DIO2: variants seen among roughly 807,000 people sequenced by gnomAD.
DIO2 encodes iodothyronine deiodinase 2.
In DIO2, 19 loss-of-function variants were observed where a neutral mutation model predicts 21.4. The observed-to-expected ratio is 0.89, with a 90% CI of 0.62 to 1.30. The LOEUF (loss-of-function observed/expected upper bound fraction) is 1.30. Ranked by LOEUF, DIO2 falls within the 50% of genes most tolerant of loss-of-function variation. The pLI is 0.00. For synonymous variants in DIO2, 122 were observed against 132.9 expected (o/e 0.92, Z 0.57); for missense variants, 302 against 338.1 (o/e 0.89, Z 0.84).
chr14:80,228,235 G>T (rs186334207), intron 2 of DIO2, among the ~76,000 whole-genome samples: 73 of 152,316 alleles, frequency 4.8e-4, no homozygotes, highest in Non-Finnish European at 8.2e-4. Context: ...GTATATTGCT[G>T]GTCTTGCCAG....
chr14:80,206,223 A>C, intron 1 of DIO2: 1 of 1,486,800 alleles, frequency 6.7e-7, no homozygotes, highest in Non-Finnish European at 9.1e-7. Context: ...GGAAAAACAC[A>C]CACCCACCAT....
intron 2 of DIO2, among the ~76,000 whole-genome samples, chr14:80,226,685 T>C (rs1760671192): frequency 6.6e-6 from 1 of 152,108 alleles, no homozygotes; most frequent in South Asian, 2.1e-4. Flanking sequence ...TGTTGCTGAG[T>C]TTATGCATAA....
intron 2 of DIO2, among the ~76,000 whole-genome samples, chr14:80,230,728 G>C (rs966478687): frequency 1.3e-5 from 2 of 152,030 alleles, no homozygotes; most frequent in East Asian, 3.9e-4. Context: ...AGCATTTTTG[G>C]TTATAATCAT....
rs1168117321 is a variant in DIO2, at chr14:80,201,163, TA to T, written c.*1525del. ...AAAAGAAAAAAATATTTTATATATATATTTTTTAAAATAGCATTATAATCAT... is the reference window on the plus strand; with the variant it reads ...AAAAGAAAAAAATATTTTATATATATTTTTTTAAAATAGCATTATAATCAT... On this transcript the variant is annotated 3_prime_UTR_variant, in exon 2 of 2. Coordinates refer to ENST00000438257, the MANE Select transcript of DIO2 (RefSeq NM_013989.5). 6.6e-5 allele frequency: 10 copies of T among 150,982 alleles called. No homozygotes were observed. The highest frequency in any genetic ancestry group is 1.0e-4 in the Non-Finnish European group (7 of 67,760). The allele number at this position is 150,982 out of a possible 1,614,324, so 9.4% of individuals were successfully genotyped here. A position where few individuals can be genotyped will look rare whatever the true frequency, so the allele number is the denominator to read the frequency against.
chr14:80,201,927 C>T lies in DIO2; in HGVS notation c.*762G>A, dbSNP rs576990587. ...CCGTGGCTAACAAATGTGACCCACTCTCTACAGCTTAAGGGTGAAACTCTG... is the reference window on the plus strand; with the variant it reads ...CCGTGGCTAACAAATGTGACCCACTTTCTACAGCTTAAGGGTGAAACTCTG... On this transcript the variant is annotated 3_prime_UTR_variant, in exon 2 of 2. Transcript: ENST00000438257. The T allele has an allele frequency of 2.4e-5, 4 of 163,790 alleles. No homozygotes were observed. Among genetic ancestry groups the T allele is most frequent in the South Asian group, 1.7e-4 (1 of 5,920 alleles). 10.1% of individuals were successfully genotyped at this position (163,790 alleles called of 1,614,324 possible).
chr14:80,219,757 T>C (rs1167774528), intron 2 of DIO2, among the ~76,000 whole-genome samples: 6 of 152,154 alleles, frequency 3.9e-5, no homozygotes, highest in African/African-American at 1.2e-4. Flanking sequence ...CAAATCTGTG[T>C]GAAGCCAGAG....
At chr14:80,206,201 T>C in intron 1 of DIO2, 2 of 1,318,800 alleles carry the variant, frequency 1.5e-6, no homozygotes, top group East Asian at 2.6e-5. Flanking sequence ...ATATTATTAA[T>C]AAAACTAAGA....
intron 2 of DIO2, among the ~76,000 whole-genome samples, chr14:80,222,254 G>C (rs1341573617): frequency 6.6e-6 from 1 of 152,134 alleles, no homozygotes; most frequent in Admixed American, 6.5e-5. Flanking sequence ...AAAAATGCCA[G>C]GGCAATCTGC....
upstream of DIO2, among the ~76,000 whole-genome samples, chr14:80,214,343 G>A (rs1225959735): frequency 6.6e-6 from 1 of 152,200 alleles, no homozygotes; most frequent in Non-Finnish European, 1.5e-5. Flanking sequence ...TTTGTAAATG[G>A]CAAGCTAAGG....
chr14:80,215,637 C>T (rs1409562719), upstream of DIO2, among the ~76,000 whole-genome samples: 1 of 152,168 alleles, frequency 6.6e-6, no homozygotes, highest in Non-Finnish European at 1.5e-5. Flanking sequence ...TTTTTACTTT[C>T]TTAAAAACAT....
At chr14:80,203,764 T>C (rs1434086244) in intron 1 of DIO2, among the ~76,000 whole-genome samples, 1 of 152,214 alleles carries the variant, frequency 6.6e-6, no homozygotes, top group Non-Finnish European at 1.5e-5. Flanking sequence ...CTTCATTTTC[T>C]TGCATGATAC....
chr14:80,220,449 A>G (rs1457825497), intron 2 of DIO2, among the ~76,000 whole-genome samples: 1 of 152,188 alleles, frequency 6.6e-6, no homozygotes, highest in Non-Finnish European at 1.5e-5. Flanking sequence ...AGCAACAACC[A>G]ATTAAATTTT....
At chr14:80,211,149 C>A (rs1888169817) in intron 1 of DIO2, 102 bp downstream of exon 1, 6 of 1,139,190 alleles carry the variant, frequency 5.3e-6, no homozygotes, top group Non-Finnish European at 6.2e-6. Flanking sequence ...ACAAATAGGG[C>A]TTCACAGCTC....
upstream of DIO2, among the ~76,000 whole-genome samples, chr14:80,213,759 T>G (rs1482172334): frequency 1.3e-5 from 2 of 152,164 alleles, no homozygotes; most frequent in African/African-American, 4.8e-5. Flanking sequence ...GGGGGTGCCC[T>G]GGAATTGTAA....
At chr14:80,222,860 C>CTTTTTTTTTTT (rs200049777) in intron 2 of DIO2, among the ~76,000 whole-genome samples, 1 of 138,822 alleles carries the variant, frequency 7.2e-6, no homozygotes, top group African/African-American at 2.6e-5. Flanking sequence ...TTCTTTGTTT[C>CTTTTTTTTTTT]TTTTTTTTTT....
intron 2 of DIO2, among the ~76,000 whole-genome samples, chr14:80,219,839 G>C (rs76624161): frequency 6.6e-6 from 1 of 152,104 alleles, no homozygotes; most frequent in African/African-American, 2.4e-5. Flanking sequence ...ATTCATTCAC[G>C]TGGTATTTGA....
chr14:80,211,230 G>C, intron 1 of DIO2, 21 bp downstream of exon 1: 1 of 1,599,232 alleles, frequency 6.3e-7, no homozygotes, highest in Non-Finnish European at 8.5e-7. Context: ...CTAGGGAGAA[G>C]CCCTTCTCAG....
Position 80,200,972 on chromosome 14 carries a change from AC to A in DIO2, c.*1716del, listed in dbSNP as rs1387124222. The A allele has an allele frequency of 2.0e-5, 3 of 151,970 alleles. No individual in the cohort carries two copies. Among genetic ancestry groups the A allele is most frequent in the Non-Finnish European group, 2.9e-5 (2 of 67,978 alleles). The allele number at this position is 151,970 out of a possible 1,614,324, so 9.4% of individuals were successfully genotyped here. On this transcript the variant is annotated 3_prime_UTR_variant, in exon 2 of 2. Transcript: ENST00000438257. The stretch of plus-strand genomic sequence containing the variant: ...TTTTATTCAGTTATTAATGGAATGG[AC>A]AAAAGATCCTTTGATTGTACCTTTA...
At chr14:80,221,111 T>C (rs901281285) in intron 2 of DIO2, among the ~76,000 whole-genome samples, 3 of 152,194 alleles carry the variant, frequency 2.0e-5, no homozygotes, top group African/African-American at 7.2e-5. Context: ...TAACCAATCT[T>C]GTGTCCATCT....
Sources: gnomAD v4.1 joint callset for allele counts (sites outside exome capture counted in the v4.1 genomes callset) on GRCh38, gnomAD v4.1.1 for gene constraint, MANE v1.5 for transcripts, NCBI Gene and HGNC (gene_info 2026-07-23, HGNC 2026-07-21) for gene names.